Variants in FIGN observed in about 807,000 individuals in gnomAD.
FIGN encodes the protein fidgetin, microtubule severing factor, also known as fidgetin.
A neutral mutation model predicts 51.3 loss-of-function variants in FIGN; 11 were observed. The ratio of observed to expected loss-of-function variants is 0.21; its 90% CI spans 0.13 to 0.35. The LOEUF (loss-of-function observed/expected upper bound fraction) is 0.35, where lower values mean the gene tolerates loss of function less well. Among genes scored for constraint, FIGN ranks in the 10% least tolerant of loss-of-function variants. FIGN has a pLI of 1.00. For missense variants in FIGN, 857 were observed against 943.6 expected, an observed-to-expected ratio of 0.91 and a Z score of 1.20; for synonymous variants, 407 against 363.2, an observed-to-expected ratio of 1.12 and a Z score of -1.37.
chr2:163,616,169 G>C (rs1024194644), intron 2 of FIGN, among the ~76,000 whole-genome samples: 3 of 152,130 alleles, frequency 2.0e-5, no homozygotes, highest in East Asian at 3.9e-4. Flanking sequence ...TTACTAACCA[G>C]TTACTGCCTT....
intron 2 of FIGN, among the ~76,000 whole-genome samples, chr2:163,684,483 T>C (rs1213212887): frequency 6.6e-6 from 1 of 152,200 alleles, no homozygotes; most frequent in East Asian, 1.9e-4. Context: ...GACCCAGAAG[T>C]CAGGTAACAC....
intron 2 of FIGN, among the ~76,000 whole-genome samples, chr2:163,622,540 A>T (rs925739045): frequency 5.3e-5 from 8 of 151,844 alleles, no homozygotes; most frequent in African/African-American, 1.9e-4. Flanking sequence ...TTTTTCAGCC[A>T]CATTTTTATT....
chr2:163,658,572 G>C (rs1683600993), intron 2 of FIGN, among the ~76,000 whole-genome samples: 1 of 152,226 alleles, frequency 6.6e-6, no homozygotes, highest in African/African-American at 2.4e-5. Flanking sequence ...CTCATGGTGG[G>C]AGGCAAGGGG....
chr2:163,657,501 T>TGTGG (rs1491178642), intron 2 of FIGN, among the ~76,000 whole-genome samples: 1 of 8,354 alleles, frequency 1.2e-4, no homozygotes, highest in East Asian at 9.8e-3. Flanking sequence ...AGAGGGAGTC[T>TGTGG]GTGTGTGTGT....
At chr2:163,660,747 G>A (rs866007657) in intron 2 of FIGN, among the ~76,000 whole-genome samples, 4 of 82,958 alleles carry the variant, frequency 4.8e-5, no homozygotes, top group South Asian at 3.6e-4. Flanking sequence ...ACATATATAT[G>A]TATACACATA....
At chr2:163,645,645 G>A (rs1683371250) in intron 2 of FIGN, among the ~76,000 whole-genome samples, 1 of 152,174 alleles carries the variant, frequency 6.6e-6, no homozygotes, top group African/African-American at 2.4e-5. Flanking sequence ...GATCCTGACA[G>A]TGGTTATGTT....
chr2:163,734,427 T>A (rs1356202236), intron 2 of FIGN, among the ~76,000 whole-genome samples: 1 of 151,450 alleles, frequency 6.6e-6, no homozygotes, highest in Non-Finnish European at 1.5e-5. Flanking sequence ...ACTGCATTAA[T>A]AGATTGAGAA....
At chr2:163,661,308 C>T (rs1015043080) in intron 2 of FIGN, among the ~76,000 whole-genome samples, 4 of 151,512 alleles carry the variant, frequency 2.6e-5, no homozygotes, top group African/African-American at 7.3e-5. Flanking sequence ...GATGTGATCT[C>T]GGCTCACTGC....
intron 2 of FIGN, among the ~76,000 whole-genome samples, chr2:163,613,020 A>C (rs1488620914): frequency 6.6e-6 from 1 of 152,172 alleles, no homozygotes; most frequent in African/African-American, 2.4e-5. Flanking sequence ...TTAAGAAAAA[A>C]ATACTAAGCA....
intron 2 of FIGN, among the ~76,000 whole-genome samples, chr2:163,618,694 C>T (rs1180665068): frequency 6.6e-6 from 1 of 152,082 alleles, no homozygotes; most frequent in African/African-American, 2.4e-5. Flanking sequence ...AACAGCTGTC[C>T]GATTCTGGGG....
chr2:163,651,923 C>A (rs1404964649), intron 2 of FIGN, among the ~76,000 whole-genome samples: 1 of 152,146 alleles, frequency 6.6e-6, no homozygotes, highest in Non-Finnish European at 1.5e-5. Flanking sequence ...AAACCTTATA[C>A]CTAGTAATAA....
At chr2:163,645,871 G>A (rs1683374004) in intron 2 of FIGN, among the ~76,000 whole-genome samples, 1 of 152,144 alleles carries the variant, frequency 6.6e-6, no homozygotes, top group Non-Finnish European at 1.5e-5. Context: ...AGGGGACAAA[G>A]GTTCCTTCTA....
chr2:163,611,462 C>T lies in FIGN; in HGVS notation c.370G>A (p.Val124Ile). 6.2e-7 allele frequency: 1 copy of T among 1,614,166 alleles called. No individual in the cohort carries two copies. The highest frequency in any genetic ancestry group is 8.5e-7 in the Non-Finnish European group (1 of 1,180,018). The change falls in exon 3 of 3, where the codon GTT becomes ATT. Residue 124 changes from valine to isoleucine, a missense_variant. This residue lies in a region of FIGN where 799 missense variants were observed against 849.5 expected (regional missense o/e 0.94). Coordinates refer to ENST00000333129, the MANE Select transcript of FIGN (RefSeq NM_018086.4). The stretch of plus-strand genomic sequence containing the variant: ...TTGCTGGCAGTGATAACATCCGGAA[C>T]ACAGTTCATGGGATAAACAGCTTCT... ...NSEAVYPMNC[V>I]PDVITASKAG...
At chr2:163,704,206 T>C (rs1684455026) in intron 2 of FIGN, among the ~76,000 whole-genome samples, 1 of 152,134 alleles carries the variant, frequency 6.6e-6, no homozygotes, top group African/African-American at 2.4e-5. Context: ...ACATGAATAA[T>C]AAATAATACT....
At chr2:163,705,449 A>G (rs1684484609) in intron 2 of FIGN, among the ~76,000 whole-genome samples, 1 of 152,128 alleles carries the variant, frequency 6.6e-6, no homozygotes, top group Non-Finnish European at 1.5e-5. Context: ...AAGATGAAAA[A>G]CACTGAGACC....
At chr2:163,696,541 TCAA>T (rs924852516) in intron 2 of FIGN, among the ~76,000 whole-genome samples, 9 of 152,192 alleles carry the variant, frequency 5.9e-5, no homozygotes, top group Non-Finnish European at 1.3e-4. Context: ...TTGTGGAGAT[TCAA>T]CATTAATTTT....
intron 2 of FIGN, among the ~76,000 whole-genome samples, chr2:163,695,094 T>G (rs1276654114): frequency 6.6e-6 from 1 of 152,230 alleles, no homozygotes; most frequent in Non-Finnish European, 1.5e-5. Context: ...TGACATTAAC[T>G]GTCAATTTTC....
chr2:163,714,312 A>G (rs533418007), intron 2 of FIGN, among the ~76,000 whole-genome samples: 12 of 152,144 alleles, frequency 7.9e-5, no homozygotes, highest in Non-Finnish European at 1.8e-4. Flanking sequence ...ACTGCACAGA[A>G]CTATTAGAAT....
chr2:163,722,674 T>A (rs1684776265), intron 2 of FIGN, among the ~76,000 whole-genome samples: 1 of 152,124 alleles, frequency 6.6e-6, no homozygotes, highest in Admixed American at 6.5e-5. Context: ...GTTTAAAGGC[T>A]CTCCTATCTA....
Sources: allele counts gnomAD v4.1 joint callset (sites outside exome capture counted in the v4.1 genomes callset), GRCh38; gene constraint gnomAD v4.1.1; regional missense constraint gnomAD v4.1.1; transcripts MANE v1.5; gene names NCBI Gene and HGNC (gene_info 2026-07-23, HGNC 2026-07-21).